AGK: variants seen among roughly 807,000 people sequenced by gnomAD.
The protein encoded by AGK is acylglycerol kinase, mitochondrial.
AGK carries 52 observed loss-of-function variants against 66.4 expected under a neutral mutation model. That is an observed-to-expected ratio of 0.78 (90% CI 0.63 to 0.99). The LOEUF (loss-of-function observed/expected upper bound fraction) is 0.99, where lower values mean the gene tolerates loss of function less well. AGK is among the 50% of genes least tolerant of loss of function. The pLI, the probability that AGK is intolerant of heterozygous loss-of-function variation, is 0.00. For missense variants in AGK, 451 were observed against 506.6 expected (o/e 0.89, Z 1.05); for synonymous variants, 182 against 181.1 (o/e 1.00, Z -0.04).
intron 9 of AGK, among the ~76,000 whole-genome samples, chr7:141,623,733 C>T (rs1204581694): frequency 6.6e-6 from 1 of 152,142 alleles, no homozygotes; most frequent in Non-Finnish European, 1.5e-5. Context: ...ACAGAGGTAC[C>T]CATACTAAAC....
chr7:141,601,408 CAATT>C (rs935654201), intron 5 of AGK, 128 bp downstream of exon 5: 8 of 637,294 alleles, frequency 1.3e-5, no homozygotes, highest in Non-Finnish European at 1.8e-5. Context: ...CCTGTTCTGA[CAATT>C]AATAAATGTA....
chr7:141,552,605 A>G lies in AGK; in HGVS notation c.-15+1171A>G, dbSNP rs145076457. ...CACTCCAATTTTTACTCCGCTGTTG[A>G]TGAGATTCAGGACACACTGCCGCAA... On this transcript the variant is annotated intron_variant, in intron 1 of 15. Coordinates refer to ENST00000649286, the MANE Select transcript of AGK (RefSeq NM_018238.4). 2.2e-3 allele frequency among the ~76,000 whole-genome samples: 342 copies of G among 152,334 alleles called. 1 individual carries two copies. The highest frequency in any genetic ancestry group is 6.8e-3 in the Middle Eastern group (2 of 294).
chr7:141,558,376 G>A (rs1056984894), intron 2 of AGK, among the ~76,000 whole-genome samples: 22 of 150,634 alleles, frequency 1.5e-4, no homozygotes, highest in Admixed American at 6.0e-4. Flanking sequence ...ATGTTGGCCC[G>A]CTGGTCTCGA....
intron 11 of AGK, among the ~76,000 whole-genome samples, chr7:141,640,663 TGA>T (rs1797268182): frequency 6.6e-6 from 1 of 152,104 alleles, no homozygotes; most frequent in Non-Finnish European, 1.5e-5. Flanking sequence ...TGTCAAGGGC[TGA>T]GAGGCTGGGG....
At chr7:141,579,609 G>A (rs1464993720) in intron 2 of AGK, among the ~76,000 whole-genome samples, 2 of 151,952 alleles carry the variant, frequency 1.3e-5, no homozygotes, top group Admixed American at 6.5e-5. Context: ...AGCTTGATGA[G>A]TAGGGAAGGG....
rs147134228 is a variant in AGK at position 141,649,291 on chromosome 7, T to C, written c.1004T>C (p.Ile335Thr). 3.1e-6 allele frequency: 5 copies of C among 1,613,676 alleles called. No homozygotes were observed. In the African/African-American group the frequency reaches 6.7e-5, roughly 22 times the overall value. The change falls in exon 14 of 16, where the codon ATT becomes ACT. Residue 335 changes from isoleucine (I) to threonine (T), a missense_variant. Transcript: ENST00000649286. Reference protein sequence around the residue: ...TSKEDFLNICIEPDTISKGDF... With the variant: ...TSKEDFLNICTEPDTISKGDF... ...AAAGAAGATTTTCTGAATATCTGCA[T>C]TGAACCTGACACCATCAGCAAAGGA...
At chr7:141,613,606 G>A (rs1003405557) in intron 6 of AGK, among the ~76,000 whole-genome samples, 1 of 152,158 alleles carries the variant, frequency 6.6e-6, no homozygotes, top group Non-Finnish European at 1.5e-5. Context: ...GTGACAGAGT[G>A]AGACTCCACT....
At chr7:141,622,872 G>A (rs1487836837) in intron 9 of AGK, among the ~76,000 whole-genome samples, 7 of 151,712 alleles carry the variant, frequency 4.6e-5, no homozygotes, top group Non-Finnish European at 1.0e-4. Flanking sequence ...TGGCCAACAT[G>A]GCGAAACACC....
intron 13 of AGK, among the ~76,000 whole-genome samples, chr7:141,648,100 C>T (rs951101859): frequency 2.0e-5 from 3 of 152,220 alleles, no homozygotes; most frequent in African/African-American, 7.2e-5. Flanking sequence ...TCACCTCCTT[C>T]AGGCCTCCTC....
At chr7:141,593,541 A>G in intron 3 of AGK, 1 of 591,026 alleles carries the variant, frequency 1.7e-6, no homozygotes. Flanking sequence ...CAAGGATATC[A>G]GTTCAGAGCA....
chr7:141,561,225 A>C (rs1795343716), intron 2 of AGK, among the ~76,000 whole-genome samples: 1 of 152,198 alleles, frequency 6.6e-6, no homozygotes, highest in South Asian at 2.1e-4. Context: ...TTGCTGCTAT[A>C]AACATGCATA....
intron 2 of AGK, among the ~76,000 whole-genome samples, chr7:141,565,604 G>T (rs1373272076): frequency 6.6e-6 from 1 of 151,432 alleles, no homozygotes; most frequent in Non-Finnish European, 1.5e-5. Flanking sequence ...TCGTACCACT[G>T]CACTGCCTGG....
chr7:141,578,696 C>T (rs551216799), intron 2 of AGK, among the ~76,000 whole-genome samples: 1 of 151,716 alleles, frequency 6.6e-6, no homozygotes, highest in African/African-American at 2.4e-5. Context: ...TTAGAAGGAG[C>T]ATTTGTCGTA....
intron 2 of AGK, among the ~76,000 whole-genome samples, chr7:141,571,805 G>T (rs1587073638): frequency 6.6e-6 from 1 of 152,186 alleles, no homozygotes; most frequent in South Asian, 2.1e-4. Flanking sequence ...GGAGATAATA[G>T]TAGTACCCAT....
intron 9 of AGK, among the ~76,000 whole-genome samples, chr7:141,625,288 A>G (rs993419191): frequency 6.6e-6 from 1 of 152,212 alleles, no homozygotes; most frequent in African/African-American, 2.4e-5. Flanking sequence ...TGTGAGGTAT[A>G]TAAGAATTGC....
At chr7:141,551,744 T>G (rs1795091618) in intron 1 of AGK, among the ~76,000 whole-genome samples, 1 of 152,176 alleles carries the variant, frequency 6.6e-6, no homozygotes, top group Non-Finnish European at 1.5e-5. Flanking sequence ...CCCCCCTCAC[T>G]TCGTCCCTTG....
At chr7:141,556,649 C>T (rs779465185) in intron 2 of AGK, among the ~76,000 whole-genome samples, 2 of 151,940 alleles carry the variant, frequency 1.3e-5, no homozygotes, top group Non-Finnish European at 2.9e-5. Context: ...ATTTATTTTT[C>T]CTTTCACAGT....
chr7:141,554,233 G>A (rs1225051863), intron 1 of AGK, among the ~76,000 whole-genome samples: 1 of 151,794 alleles, frequency 6.6e-6, no homozygotes. Flanking sequence ...TGTGGTCCCA[G>A]CTACTTGGGA....
chr7:141,617,358 A>G (rs1034476461), intron 8 of AGK, among the ~76,000 whole-genome samples: 1 of 152,158 alleles, frequency 6.6e-6, no homozygotes, highest in African/African-American at 2.4e-5. Flanking sequence ...TTAAACTACT[A>G]CTGTTGCTGC....
Sources: allele counts gnomAD v4.1 joint callset (sites outside exome capture counted in the v4.1 genomes callset), GRCh38; gene constraint gnomAD v4.1.1; transcripts MANE v1.5; gene names NCBI Gene and HGNC (gene_info 2026-07-23, HGNC 2026-07-21).